Variants in SLC9C1 observed in about 807,000 individuals in gnomAD.
SLC9C1 encodes the protein solute carrier family 9 member C1, also known as sodium/hydrogen exchanger 10.
A neutral mutation model predicts 140.9 loss-of-function variants in SLC9C1; 97 were observed. The observed-to-expected ratio is 0.69, with a 90% CI of 0.58 to 0.82. The LOEUF is 0.82. Among genes scored for constraint, SLC9C1 ranks in the 40% least tolerant of loss-of-function variants. The probability of loss-of-function intolerance (pLI) is 0.00; values close to 1 mark genes in which losing one functional copy is unlikely to be tolerated. For synonymous variants in SLC9C1, 440 were observed against 442.6 expected (o/e 0.99, Z 0.07); for missense variants, 1,340 against 1,389.3 (o/e 0.96, Z 0.56).
At position 112,199,438 on chromosome 3, in the gene SLC9C1, A is replaced by G; in HGVS notation, c.2406T>C (p.Ala802=). The part of the protein sequence containing the change: ...GYLEYDHPEI[A]VTVKTKEEIN... ...TTTCTTCCTTTGTTTTCACAGTGAC[A>G]GCAATTTCTGGGTGATCATACTCTA... Residue 802 remains alanine, a synonymous_variant, in exon 20 of 29, where the codon GCT becomes GCC. Transcript: ENST00000305815. 2 of 1,595,822 alleles carry G rather than the reference A, an allele frequency of 1.3e-6. No homozygotes were observed. Among genetic ancestry groups the G allele is most frequent in the South Asian group, 1.2e-5 (1 of 85,658 alleles).
At position 112,201,468 on chromosome 3, in the gene SLC9C1, T is replaced by C. The variant is rs146754332; in HGVS notation, c.2323-706A>G. On this transcript the variant is annotated intron_variant, in intron 18 of 28. Transcript: ENST00000305815. ...ACTACTTTTTGTGTTCTACCACATATTGAATGTTCAGTTTCTCAATGACAA... is the reference window on the plus strand; with the variant it reads ...ACTACTTTTTGTGTTCTACCACATACTGAATGTTCAGTTTCTCAATGACAA... Among the ~76,000 whole-genome samples, 889 of 152,172 alleles carry C rather than the reference T, an allele frequency of 5.8e-3. 5 individuals carry two copies. Among genetic ancestry groups the C allele is most frequent in the African/African-American group, 0.019 (802 of 41,550 alleles).
chr3:112,180,494 G>T, intron 22 of SLC9C1, 70 bp downstream of exon 22: 1 of 1,289,738 alleles, frequency 7.8e-7, no homozygotes, highest in Admixed American at 2.2e-5. Context: ...TTGCACTCCA[G>T]CTTGGGCAAC....
chr3:112,184,801 C>G (rs545837677), intron 20 of SLC9C1, among the ~76,000 whole-genome samples: 1 of 152,282 alleles, frequency 6.6e-6, no homozygotes, highest in South Asian at 2.1e-4. Context: ...ACTCAAAGCT[C>G]AGGGGTCTGG....
chr3:112,293,112 CAA>C (rs58937356), intron 1 of SLC9C1, among the ~76,000 whole-genome samples: 3,378 of 128,968 alleles, frequency 0.026, 101 homozygotes, highest in African/African-American at 0.082. Context: ...ACTAAAAATA[CAA>C]AAAAAAAAAA....
intron 10 of SLC9C1, among the ~76,000 whole-genome samples, chr3:112,260,008 G>T (rs961702100): frequency 6.6e-6 from 1 of 151,960 alleles, no homozygotes; most frequent in Non-Finnish European, 1.5e-5. Context: ...AATATCAATT[G>T]GATCCTATTT....
At chr3:112,239,004 G>A (rs2108210999) in intron 12 of SLC9C1, among the ~76,000 whole-genome samples, 1 of 152,306 alleles carries the variant, frequency 6.6e-6, no homozygotes. Context: ...GGACATTTAA[G>A]CCTGCAGAGG....
intron 23 of SLC9C1, among the ~76,000 whole-genome samples, chr3:112,174,036 G>A (rs1458454187): frequency 6.6e-6 from 1 of 152,168 alleles, no homozygotes; most frequent in African/African-American, 2.4e-5. Context: ...TAAATGGTTA[G>A]TGATCGTCAG....
intron 15 of SLC9C1, 121 bp downstream of exon 15, chr3:112,217,321 G>A (rs2078407241): frequency 8.6e-7 from 1 of 1,168,876 alleles, no homozygotes; most frequent in Non-Finnish European, 1.2e-6. Context: ...TGCACGTTGT[G>A]CACATGTACC....
intron 15 of SLC9C1, 144 bp from the exon 16 acceptor site, chr3:112,208,517 G>A: frequency 2.2e-6 from 1 of 462,978 alleles, no homozygotes; most frequent in Non-Finnish European, 3.7e-6. Context: ...AACACGTTCT[G>A]GCATCCCACT....
chr3:112,259,094 C>G (rs575828891), intron 10 of SLC9C1, among the ~76,000 whole-genome samples: 2 of 152,176 alleles, frequency 1.3e-5, no homozygotes, highest in East Asian at 3.9e-4. Context: ...CAAAGCCAAA[C>G]CACATTAGAA....
chr3:112,159,196 C>T (rs2075215415), intron 26 of SLC9C1, among the ~76,000 whole-genome samples: 1 of 150,930 alleles, frequency 6.6e-6, no homozygotes, highest in South Asian at 2.1e-4. Flanking sequence ...ATTTTGTGTT[C>T]CCATTTTCAT....
chr3:112,257,769 C>T (rs998295257), intron 10 of SLC9C1, among the ~76,000 whole-genome samples: 1 of 152,088 alleles, frequency 6.6e-6, no homozygotes, highest in Non-Finnish European at 1.5e-5. Flanking sequence ...ATAAAACCTA[C>T]AGAATGGGAG....
At chr3:112,142,819 A>T (rs1425704337) in intron 28 of SLC9C1, among the ~76,000 whole-genome samples, 1 of 152,148 alleles carries the variant, frequency 6.6e-6, no homozygotes, top group East Asian at 1.9e-4. Context: ...TAGGATTCAA[A>T]TGATTCCATC....
At chr3:112,191,486 A>G (rs1279764581) in intron 20 of SLC9C1, among the ~76,000 whole-genome samples, 1 of 152,164 alleles carries the variant, frequency 6.6e-6, no homozygotes, top group East Asian at 1.9e-4. Flanking sequence ...AATGTGGTGT[A>G]TCACATTTAT....
At chr3:112,258,295 A>G (rs559801006) in intron 10 of SLC9C1, among the ~76,000 whole-genome samples, 148 of 152,318 alleles carry the variant, frequency 9.7e-4, no homozygotes, top group Non-Finnish European at 2.0e-3. Flanking sequence ...ATTAACCTAA[A>G]TGCCCACCAT....
chr3:112,203,378 T>C (rs150934361), intron 17 of SLC9C1, among the ~76,000 whole-genome samples: 91 of 152,106 alleles, frequency 6.0e-4, no homozygotes, highest in Non-Finnish European at 9.6e-4. Context: ...TCAGGTAAAT[T>C]GTACTCTAGC....
intron 1 of SLC9C1, among the ~76,000 whole-genome samples, chr3:112,287,669 A>G (rs986844898): frequency 1.3e-5 from 2 of 152,208 alleles, no homozygotes; most frequent in Non-Finnish European, 2.9e-5. Context: ...TTCACACAGG[A>G]TATTATGATT....
intron 7 of SLC9C1, among the ~76,000 whole-genome samples, chr3:112,267,841 C>G (rs1057044703): frequency 1.3e-5 from 2 of 151,994 alleles, no homozygotes; most frequent in Admixed American, 1.3e-4. Flanking sequence ...TTCTTTGAAA[C>G]AATCAAGCCC....
intron 5 of SLC9C1, among the ~76,000 whole-genome samples, chr3:112,275,950 A>G (rs2080203006): frequency 6.6e-6 from 1 of 152,078 alleles, no homozygotes; most frequent in Non-Finnish European, 1.5e-5. Context: ...TGCCACCGCC[A>G]TGGCAGCATT....
Sources: allele counts gnomAD v4.1 joint callset (sites outside exome capture counted in the v4.1 genomes callset), GRCh38; gene constraint gnomAD v4.1.1; transcripts MANE v1.5; gene names NCBI Gene and HGNC (gene_info 2026-07-23, HGNC 2026-07-21).